Variants in TSPAN33 observed in about 807,000 individuals in gnomAD.
The protein encoded by TSPAN33 is tetraspanin 33.
TSPAN33 carries 27 observed loss-of-function variants against 34.8 expected under a neutral mutation model. The ratio of observed to expected loss-of-function variants is 0.78; its 90% CI spans 0.57 to 1.07. The LOEUF (loss-of-function observed/expected upper bound fraction) is 1.07, where lower values mean the gene tolerates loss of function less well. TSPAN33 is among the 50% of genes least tolerant of loss of function. The pLI, the probability that TSPAN33 is intolerant of heterozygous loss-of-function variation, is 0.00. For synonymous variants in TSPAN33, 119 were observed against 124.2 expected (o/e 0.96, Z 0.28); for missense variants, 272 against 324.9 (o/e 0.84, Z 1.25).
At chr7:129,146,848 A>G (rs1246084623) in intron 1 of TSPAN33, among the ~76,000 whole-genome samples, 1 of 152,160 alleles carries the variant, frequency 6.6e-6, no homozygotes, top group Admixed American at 6.5e-5. Context: ...ATCTGCCGAG[A>G]CTGTCTCCCT....
chr7:129,161,036 C>G (rs891161767), intron 1 of TSPAN33, among the ~76,000 whole-genome samples: 5 of 152,174 alleles, frequency 3.3e-5, no homozygotes, highest in African/African-American at 1.2e-4. Context: ...TATGTGTACC[C>G]AAGTTTGACT....
rs1294578864 is a variant in TSPAN33, at chr7:129,167,750, C to T, written c.751-23C>T. On this transcript the variant is annotated intron_variant, in intron 7 of 7. Transcript: ENST00000486685. The surrounding 1 kb of genome is among the most constrained non-coding windows in gnomAD (Gnocchi z 4.6). The stretch of plus-strand genomic sequence containing the variant: ...AGGCCATCACTCACTGCTGAGTGCC[C>T]AATTCCTTCTTGCCTCTCCCAGCTG... 12 of 1,611,860 alleles carry T rather than the reference C, an allele frequency of 7.4e-6. No individual in the cohort carries two copies. In the Admixed American group the frequency reaches 1.2e-4, roughly 16 times the overall value.
In TSPAN33 at chr7:129,162,898, C is replaced by T. The variant is rs1314409756; in HGVS notation, c.354C>T (p.Phe118=). 1 of 1,613,822 alleles carries T rather than the reference C, an allele frequency of 6.2e-7. No individual in the cohort carries two copies. Among genetic ancestry groups the T allele is most frequent in the East Asian group, 2.2e-5 (1 of 44,870 alleles). ...QLAAGILGFV[F]SDKARGKVSE... ...CCGCTGGGATCCTGGGCTTCGTCTTCTCAGACAAGGTAACACTGGGAGCCA... is the reference window on the plus strand; with the variant it reads ...CCGCTGGGATCCTGGGCTTCGTCTTTTCAGACAAGGTAACACTGGGAGCCA... Residue 118 remains phenylalanine (F), a synonymous_variant, in exon 4 of 8, where the codon TTC becomes TTT. Coordinates refer to ENST00000486685, the MANE Select transcript of TSPAN33 (RefSeq NM_178562.5).
intron 1 of TSPAN33, among the ~76,000 whole-genome samples, chr7:129,149,183 C>T (rs1275193585): frequency 6.6e-6 from 1 of 152,188 alleles, no homozygotes; most frequent in African/African-American, 2.4e-5. Flanking sequence ...ATGCAGGTCG[C>T]GTGCACACTT....
chr7:129,167,465 A>G lies in TSPAN33; in HGVS notation c.655A>G (p.Ile219Val), dbSNP rs1563139784. 2 of 1,614,210 alleles carry G rather than the reference A, an allele frequency of 1.2e-6. No homozygotes were observed. Among genetic ancestry groups the G allele is most frequent in the East Asian group, 2.2e-5 (1 of 44,886 alleles). ...TGACTACTTGGAAGCTAGCAAAGTC[A>G]TCTACACCAATGGCTGTATTGACAA... ...AFDYLEASKV[I>V]YTNGCIDKLV... Residue 219 changes from isoleucine (I) to valine (V), a missense_variant, in exon 7 of 8, where the codon ATC becomes GTC. Coordinates refer to ENST00000486685, the MANE Select transcript of TSPAN33 (RefSeq NM_178562.5). This position sits in a 1 kb window ranked among gnomAD's most constrained non-coding sequence, Gnocchi z 4.6.
chr7:129,152,176 G>T (rs1450193734), intron 1 of TSPAN33, among the ~76,000 whole-genome samples: 1 of 152,198 alleles, frequency 6.6e-6, no homozygotes, highest in African/African-American at 2.4e-5. Context: ...AAACAGTTTG[G>T]CAGCTCCTTA....
chr7:129,167,588 C>T lies in TSPAN33; in HGVS notation c.750+28C>T. 11 of 1,608,634 alleles carry T rather than the reference C, an allele frequency of 6.8e-6. No individual in the cohort carries two copies. Among genetic ancestry groups the T allele is most frequent in the Non-Finnish European group, 9.4e-6 (11 of 1,176,424 alleles). On this transcript the variant is annotated intron_variant, in intron 7 of 7. Coordinates refer to ENST00000486685, the MANE Select transcript of TSPAN33 (RefSeq NM_178562.5). The surrounding 1 kb of genome is among the most constrained non-coding windows in gnomAD (Gnocchi z 4.6). ...AACTTACCCTGTGAGACTTGTTGGT[C>T]CCACACACTCTGTAAAGACTCCTTT...
At chr7:129,159,959 A>G (rs766299029) in intron 1 of TSPAN33, among the ~76,000 whole-genome samples, 3 of 152,230 alleles carry the variant, frequency 2.0e-5, no homozygotes, top group South Asian at 4.1e-4. Flanking sequence ...GGGAGGATCA[A>G]TTGAGCCCAG....
At chr7:129,146,549 T>A (rs539859226) in intron 1 of TSPAN33, among the ~76,000 whole-genome samples, 1 of 152,340 alleles carries the variant, frequency 6.6e-6, no homozygotes, top group South Asian at 2.1e-4. Context: ...GGGGAAGTCC[T>A]CAGCACAGAT....
rs772951670 is a variant in TSPAN33, at chr7:129,167,830, C to T, written c.808C>T (p.Leu270=). The T allele has an allele frequency of 7.4e-6, 12 of 1,614,178 alleles. No individual in the cohort carries two copies. In the Admixed American group the frequency reaches 1.5e-4, roughly 20 times the overall value. ...GAATCAGATCAAAGATCAGATCAAG[C>T]TACAGCTCTACAACCAGCAGCACCG... ...LVNQIKDQIK[L]QLYNQQHRAD... The change falls in exon 8 of 8, where the codon CTA becomes TTA. Residue 270 remains leucine (L), a synonymous_variant. Coordinates refer to ENST00000486685, the MANE Select transcript of TSPAN33 (RefSeq NM_178562.5). The surrounding 1 kb of genome is among the most constrained non-coding windows in gnomAD (Gnocchi z 4.6).
intron 1 of TSPAN33, among the ~76,000 whole-genome samples, chr7:129,158,744 A>T (rs1792997666): frequency 6.6e-6 from 1 of 152,132 alleles, no homozygotes; most frequent in Non-Finnish European, 1.5e-5. Flanking sequence ...TATATGTACC[A>T]CATTTTCTTT....
At chr7:129,154,579 T>G (rs538421581) in intron 1 of TSPAN33, among the ~76,000 whole-genome samples, 1 of 152,012 alleles carries the variant, frequency 6.6e-6, no homozygotes, top group Non-Finnish European at 1.5e-5. Flanking sequence ...CTGTCTCTAC[T>G]AAAAATACAA....
rs748512298 is a variant in TSPAN33, at chr7:129,167,444, T to C, written c.634T>C (p.Tyr212His). The change falls in exon 7 of 8, where the codon TAC becomes CAC. Residue 212 changes from tyrosine (Y) to histidine (H), a missense_variant. Transcript: ENST00000486685. This position sits in a 1 kb window ranked among gnomAD's most constrained non-coding sequence, Gnocchi z 4.6. ...MCGQGMQAFD[Y>H]LEASKVIYTN... ...TGGCCAAGGTATGCAGGCCTTTGAC[T>C]ACTTGGAAGCTAGCAAAGTCATCTA... is the stretch of plus-strand genomic sequence containing the variant. 6.2e-7 allele frequency: 1 copy of C among 1,613,946 alleles called. No individual in the cohort carries two copies. The highest frequency in any genetic ancestry group is 8.5e-7 in the Non-Finnish European group (1 of 1,179,958).
rs1416842527 is a variant in TSPAN33, at chr7:129,144,903, C to T, written c.-78C>T. On this transcript the variant is annotated 5_prime_UTR_variant, in exon 1 of 8. Coordinates refer to ENST00000486685, the MANE Select transcript of TSPAN33 (RefSeq NM_178562.5). ...CCTGCGCGGCGCGGCTCGGCTCATG[C>T]CCCCGGGCGCGGGGCACACAGGCCG... is the stretch of plus-strand genomic sequence containing the variant. The T allele has an allele frequency of 3.2e-5, 9 of 283,342 alleles. No individual in the cohort carries two copies. 17.6% of individuals were successfully genotyped at this position (283,342 alleles called of 1,614,324 possible).
At chr7:129,151,040 G>A (rs1040672151) in intron 1 of TSPAN33, among the ~76,000 whole-genome samples, 5 of 152,196 alleles carry the variant, frequency 3.3e-5, no homozygotes, top group Non-Finnish European at 7.3e-5. Flanking sequence ...GAGCTCCACT[G>A]TTGTCTCCTG....
At chr7:129,162,253 C>T (rs978090804) in intron 2 of TSPAN33, 141 bp from the exon 3 acceptor site, 2 of 1,279,768 alleles carry the variant, frequency 1.6e-6, no homozygotes, top group African/African-American at 1.5e-5. Context: ...GACAGGGGTA[C>T]TGCCTCCCCT....
intron 1 of TSPAN33, among the ~76,000 whole-genome samples, chr7:129,152,599 A>G (rs1810611846): frequency 6.6e-6 from 1 of 152,154 alleles, no homozygotes. Flanking sequence ...AGGCACAAGA[A>G]TCGCTTGAAC....
At chr7:129,152,748 A>G (rs1277589360) in intron 1 of TSPAN33, among the ~76,000 whole-genome samples, 2 of 152,118 alleles carry the variant, frequency 1.3e-5, no homozygotes, top group African/African-American at 4.8e-5. Context: ...TACAACACAG[A>G]TGAATCTTGA....
rs35282489 is a variant in TSPAN33, at chr7:129,152,689, AAAAC to A, written c.102+7629_102+7632del. On this transcript the variant is annotated intron_variant, in intron 1 of 7. Transcript: ENST00000486685. ...GTGACAGAGTGAGACTCCATCTCAA[AAAAC>A]AAACAAACAAACAAACAAACAGGAA... Among the ~76,000 whole-genome samples, 218 of 151,604 alleles carry A rather than the reference AAAAC, an allele frequency of 1.4e-3. 1 individual carries two copies. In the East Asian group the frequency reaches 0.019, roughly 13 times the overall value.
Sources: gnomAD v4.1 joint callset for allele counts (sites outside exome capture counted in the v4.1 genomes callset) on GRCh38, gnomAD v4.1.1 for gene constraint, Gnocchi (gnomAD v3.1) non-coding constraint, MANE v1.5 for transcripts, NCBI Gene and HGNC (gene_info 2026-07-23, HGNC 2026-07-21) for gene names.